DLG2: variants seen among roughly 807,000 people sequenced by gnomAD.
DLG2 encodes the protein discs large MAGUK scaffold protein 2.
DLG2 carries 45 observed loss-of-function variants against 132.5 expected under a neutral mutation model. That is an observed-to-expected ratio of 0.34 (90% CI 0.27 to 0.44). The LOEUF (loss-of-function observed/expected upper bound fraction) is 0.44. Among genes scored for constraint, DLG2 ranks in the 20% least tolerant of loss-of-function variants. The probability of loss-of-function intolerance (pLI) is 1.00; values close to 1 mark genes in which losing one functional copy is unlikely to be tolerated. For missense variants in DLG2, 1,045 were observed against 1,196.9 expected (o/e 0.87, Z 1.87); for synonymous variants, 424 against 419.6 (o/e 1.01, Z -0.13).
chr11:85,499,824 A>T (rs2093755222), intron 3 of DLG2, among the ~76,000 whole-genome samples: 1 of 152,202 alleles, frequency 6.6e-6, no homozygotes, highest in South Asian at 2.1e-4. Flanking sequence ...TCCATCACAT[A>T]AACAGAACCA....
chr11:85,039,496 T>A (rs1483002762), intron 6 of DLG2, among the ~76,000 whole-genome samples: 1 of 152,022 alleles, frequency 6.6e-6, no homozygotes. Context: ...TTACTTGGCA[T>A]TTCTGAGCCA....
intron 6 of DLG2, among the ~76,000 whole-genome samples, chr11:84,702,691 T>C (rs551251300): frequency 8.6e-5 from 13 of 151,664 alleles, no homozygotes; most frequent in Non-Finnish European, 1.6e-4. Flanking sequence ...GAAACCTTTA[T>C]TGACCTCACA....
chr11:85,219,836 C>T lies in DLG2; in HGVS notation c.187-65185G>A, dbSNP rs994369948. Reference sequence around the variant, plus strand: ...GGGAAATGCGATTTCACCTAGTACACTGTGTTTCAACTGGAGAGAGGAGAA... The same window carrying T: ...GGGAAATGCGATTTCACCTAGTACATTGTGTTTCAACTGGAGAGAGGAGAA... On this transcript the variant is annotated intron_variant, in intron 4 of 27. Coordinates refer to ENST00000376104, the MANE Select transcript of DLG2 (RefSeq NM_001142699.3). 7.9e-5 allele frequency among the ~76,000 whole-genome samples: 12 copies of T among 151,568 alleles called. No homozygotes were observed. The South Asian group carries it at 2.5e-3, about 32-fold the overall frequency.
chr11:84,794,230 A>G (rs192064650), intron 6 of DLG2, among the ~76,000 whole-genome samples: 3 of 152,372 alleles, frequency 2.0e-5, no homozygotes, highest in African/African-American at 7.2e-5. Flanking sequence ...GAATATAGTC[A>G]AGAATAACTT....
chr11:85,458,367 G>A (rs917805004), intron 3 of DLG2, among the ~76,000 whole-genome samples: 2 of 151,782 alleles, frequency 1.3e-5, no homozygotes, highest in Non-Finnish European at 2.9e-5. Context: ...TTCTTGCACT[G>A]GACTTTGACA....
intron 6 of DLG2, among the ~76,000 whole-genome samples, chr11:84,920,380 A>C (rs968813061): frequency 6.6e-6 from 1 of 152,212 alleles, no homozygotes; most frequent in African/African-American, 2.4e-5. Flanking sequence ...GTCAAGATTC[A>C]ACTTAAAAGT....
chr11:84,842,847 C>T (rs139782799), intron 6 of DLG2, among the ~76,000 whole-genome samples: 1 of 151,796 alleles, frequency 6.6e-6, no homozygotes, highest in African/African-American at 2.4e-5. Context: ...TGTATACAGA[C>T]TCTTTCTTGG....
intron 10 of DLG2, among the ~76,000 whole-genome samples, chr11:84,075,746 G>GTAAT (rs2096821879): frequency 6.6e-6 from 1 of 152,102 alleles, no homozygotes; most frequent in South Asian, 2.1e-4. Flanking sequence ...TACTGTTTAT[G>GTAAT]TAATTTCACA....
intron 11 of DLG2, among the ~76,000 whole-genome samples, chr11:83,985,628 T>G (rs1305482836): frequency 6.6e-6 from 1 of 152,098 alleles, no homozygotes; most frequent in Non-Finnish European, 1.5e-5. Context: ...TGTTCCTGTG[T>G]TACTTTGCTG....
chr11:84,027,041 A>ATAGTTTG (rs2095554536), intron 11 of DLG2, among the ~76,000 whole-genome samples: 1 of 151,932 alleles, frequency 6.6e-6, no homozygotes, highest in African/African-American at 2.4e-5. Flanking sequence ...GGGTGGGTCT[A>ATAGTTTG]AAATAAACTG....
At chr11:84,964,830 A>G (rs1591934298) in intron 6 of DLG2, among the ~76,000 whole-genome samples, 1 of 152,230 alleles carries the variant, frequency 6.6e-6, no homozygotes, top group South Asian at 2.1e-4. Context: ...TAATGTAGAG[A>G]TAGACATTTA....
intron 3 of DLG2, among the ~76,000 whole-genome samples, chr11:85,322,409 A>G (rs1028293762): frequency 2.0e-5 from 3 of 152,092 alleles, no homozygotes; most frequent in Non-Finnish European, 4.4e-5. Flanking sequence ...CTATACTAGC[A>G]TCTTGGCTGC....
At chr11:83,502,443 T>C (rs1171016856) in intron 21 of DLG2, among the ~76,000 whole-genome samples, 4 of 150,872 alleles carry the variant, frequency 2.7e-5, no homozygotes, top group Non-Finnish European at 4.4e-5. Flanking sequence ...CTATAAAATT[T>C]TATACCTTAT....
chr11:85,357,483 C>T (rs1330565654), intron 3 of DLG2, among the ~76,000 whole-genome samples: 1 of 148,436 alleles, frequency 6.7e-6, no homozygotes. Flanking sequence ...TGAGAATATC[C>T]TCTCTCCTTT....
intron 17 of DLG2, among the ~76,000 whole-genome samples, chr11:83,832,313 G>A (rs1301721028): frequency 2.0e-5 from 3 of 152,172 alleles, no homozygotes; most frequent in Admixed American, 2.0e-4. Flanking sequence ...TGATGGTTGT[G>A]TTATGGCATA....
chr11:84,414,688 T>G (rs2098922852), intron 7 of DLG2, among the ~76,000 whole-genome samples: 1 of 152,138 alleles, frequency 6.6e-6, no homozygotes, highest in Non-Finnish European at 1.5e-5. Flanking sequence ...AAAACAGATA[T>G]AAAAGCAGTC....
At chr11:83,845,922 G>C (rs1184148035) in intron 16 of DLG2, among the ~76,000 whole-genome samples, 4 of 152,146 alleles carry the variant, frequency 2.6e-5, no homozygotes, top group Non-Finnish European at 5.9e-5. Flanking sequence ...AAAAATACTA[G>C]AATCACACAG....
intron 7 of DLG2, among the ~76,000 whole-genome samples, chr11:84,475,612 G>C (rs972581659): frequency 6.6e-6 from 1 of 152,070 alleles, no homozygotes; most frequent in African/African-American, 2.4e-5. Flanking sequence ...TAGCTTGTGG[G>C]AGTATTCACA....
chr11:84,513,450 T>C (rs967590917), intron 7 of DLG2, among the ~76,000 whole-genome samples: 21 of 152,004 alleles, frequency 1.4e-4, no homozygotes, highest in African/African-American at 2.2e-4. Context: ...TACAGGGCTA[T>C]TGTAACCAAA....
Sources: gnomAD v4.1 joint callset for allele counts (sites outside exome capture counted in the v4.1 genomes callset) on GRCh38, gnomAD v4.1.1 for gene constraint, MANE v1.5 for transcripts, NCBI Gene and HGNC (gene_info 2026-07-23, HGNC 2026-07-21) for gene names.